The following ARL14EPL variants were observed in gnomAD, a reference collection of about 807,000 sequenced individuals.
ARL14EPL encodes the protein ARF like GTPase 14 effector protein like.
In ARL14EPL, 17 loss-of-function variants were observed where a neutral mutation model predicts 15.9. The observed-to-expected ratio is 1.07, with a 90% CI of 0.73 to 1.60. The LOEUF (loss-of-function observed/expected upper bound fraction) is 1.60, where lower values mean the gene tolerates loss of function less well. Ranked by LOEUF, ARL14EPL falls within the 40% of genes most tolerant of loss-of-function variation. ARL14EPL has a pLI of 0.00. For synonymous variants in ARL14EPL, 78 were observed against 63.8 expected, an observed-to-expected ratio of 1.22 and a Z score of -1.06; for missense variants, 214 against 185.9, an observed-to-expected ratio of 1.15 and a Z score of -0.88.
chr5:116,049,034 A>G (rs1191082146), intron 1 of ARL14EPL, among the ~76,000 whole-genome samples: 1 of 152,208 alleles, frequency 6.6e-6, no homozygotes, highest in African/African-American at 2.4e-5. Context: ...TTCAATTTAC[A>G]ATGGGTTTGT....
chr5:116,055,882 G>A (rs1411323317), intron 3 of ARL14EPL, among the ~76,000 whole-genome samples: 1 of 152,038 alleles, frequency 6.6e-6, no homozygotes, highest in Non-Finnish European at 1.5e-5. Flanking sequence ...TCATCTGTGA[G>A]TGAGAACATG....
At chr5:116,041,324 T>C (rs1042242386) in intron 1 of ARL14EPL, among the ~76,000 whole-genome samples, 1 of 152,204 alleles carries the variant, frequency 6.6e-6, no homozygotes, top group African/African-American at 2.4e-5. Flanking sequence ...TTTCAATATG[T>C]AAAAATATAT....
At chr5:116,058,412 C>G (rs114975878) in intron 3 of ARL14EPL, among the ~76,000 whole-genome samples, 2,735 of 152,258 alleles carry the variant, frequency 0.018, 30 homozygotes, top group Middle Eastern at 0.048. Context: ...TCATAATTTT[C>G]TTAGGTAGAT....
Position 116,054,023 on chromosome 5 carries a change from G to T in ARL14EPL, c.106G>T (p.Glu36Ter), listed in dbSNP as rs1426882545. Residue 36 changes from glutamate to a stop codon, truncating the protein, a stop_gained, in exon 3 of 4, where the codon GAG (glutamate) becomes TAG (stop). Coordinates refer to ENST00000686077, the MANE Select transcript of ARL14EPL (RefSeq NM_001195581.2). LOFTEE classifies it high-confidence loss of function. The part of the protein sequence containing the change: ...QIGQKQLQQI[E>*]RQLKCLAFRN... Reference sequence around the variant, plus strand: ...TTTATTTGTTTAATAGCAACAAATAGAGCGGCAGTTAAAATGCTTGGCATT... The same window carrying T: ...TTTATTTGTTTAATAGCAACAAATATAGCGGCAGTTAAAATGCTTGGCATT... The T allele has an allele frequency of 1.3e-5, 20 of 1,534,548 alleles. No homozygotes were observed. Among genetic ancestry groups the T allele is most frequent in the Non-Finnish European group, 1.7e-5 (20 of 1,146,208 alleles).
chr5:116,043,050 G>A (rs1325796135), intron 1 of ARL14EPL, among the ~76,000 whole-genome samples: 2 of 151,892 alleles, frequency 1.3e-5, no homozygotes, highest in Admixed American at 6.6e-5. Flanking sequence ...CTGTGTATGG[G>A]CATTTGAATA....
At chr5:116,056,775 T>C (rs1749527483) in intron 3 of ARL14EPL, among the ~76,000 whole-genome samples, 1 of 152,200 alleles carries the variant, frequency 6.6e-6, no homozygotes, top group Admixed American at 6.5e-5. Flanking sequence ...GTTTTTATGG[T>C]TTTAGGTCTA....
intron 1 of ARL14EPL, among the ~76,000 whole-genome samples, chr5:116,045,766 G>C (rs1749254917): frequency 9.5e-6 from 1 of 105,194 alleles, no homozygotes; most frequent in African/African-American, 2.7e-5. Flanking sequence ...GTGTGTGTGT[G>C]TGTGTGTGTG....
In ARL14EPL at chr5:116,058,996, T is replaced by G. The variant is rs1749587500; in HGVS notation, c.*49T>G. On this transcript the variant is annotated 3_prime_UTR_variant, in exon 4 of 4. Transcript: ENST00000686077. ...TGTTTCTTCTTCTTACACATTTAAG[T>G]TGACCTCTTTCTTTTGGGTGAATTT... The G allele has an allele frequency of 2.7e-6, 4 of 1,497,462 alleles. No homozygotes were observed. The highest frequency in any genetic ancestry group is 3.6e-6 in the Non-Finnish European group (4 of 1,113,378). 92.8% of individuals were successfully genotyped at this position (1,497,462 alleles called of 1,614,324 possible).
At chr5:116,054,702 G>A (rs1234789649) in intron 3 of ARL14EPL, among the ~76,000 whole-genome samples, 2 of 151,942 alleles carry the variant, frequency 1.3e-5, no homozygotes, top group East Asian at 1.9e-4. Context: ...GTGGTGGCAC[G>A]CGCCTGTAGT....
chr5:116,054,086 G>C lies in ARL14EPL; in HGVS notation c.169G>C (p.Glu57Gln). The C allele has an allele frequency of 6.5e-7, 1 of 1,535,734 alleles. No individual in the cohort carries two copies. Among genetic ancestry groups the C allele is most frequent in the Non-Finnish European group, 8.7e-7 (1 of 1,146,724 alleles). Residue 57 changes from glutamate to glutamine, a missense_variant, in exon 3 of 4, where the codon GAA (glutamate) becomes CAA (glutamine). Transcript: ENST00000686077. ...PGPQVADFNP[E>Q]TRQQKKKARM... ...ACCACAGGTAGCAGACTTTAATCCT[G>C]AAACAAGGCAGCAGAAAAAGAAAGC... is the stretch of plus-strand genomic sequence containing the variant.
At chr5:116,058,360 C>T (rs1041469351) in intron 3 of ARL14EPL, among the ~76,000 whole-genome samples, 2 of 152,046 alleles carry the variant, frequency 1.3e-5, no homozygotes, top group African/African-American at 2.4e-5. Context: ...TTAAAGAAAA[C>T]TTTGGGGGCA....
At chr5:116,039,583 C>T (rs1459351190) in intron 1 of ARL14EPL, among the ~76,000 whole-genome samples, 1 of 151,574 alleles carries the variant, frequency 6.6e-6, no homozygotes, top group African/African-American at 2.4e-5. Context: ...GAAATGCTCA[C>T]ATTAAGGGGA....
chr5:116,049,630 C>A (rs950670347), intron 1 of ARL14EPL, among the ~76,000 whole-genome samples: 5 of 152,110 alleles, frequency 3.3e-5, no homozygotes, highest in African/African-American at 9.7e-5. Context: ...GTTTTTCAGC[C>A]CTTGCCCTCC....
intron 1 of ARL14EPL, chr5:116,051,218 G>A (rs1749369666): frequency 1.1e-5 from 5 of 440,984 alleles, no homozygotes; most frequent in Admixed American, 4.0e-5. Flanking sequence ...GCTAAGGACT[G>A]TCAAAGGTAC....
At chr5:116,037,345 A>T (rs1749064670) in intron 1 of ARL14EPL, among the ~76,000 whole-genome samples, 1 of 152,202 alleles carries the variant, frequency 6.6e-6, no homozygotes, top group African/African-American at 2.4e-5. Flanking sequence ...ACTTTTCGAG[A>T]ATGTTCTGCA....
At chr5:116,051,814 T>G (rs1441897086) in intron 2 of ARL14EPL, 2 of 881,662 alleles carry the variant, frequency 2.3e-6, no homozygotes, top group Non-Finnish European at 3.4e-6. Context: ...AAATTCTGCT[T>G]TTTGTGGAGA....
At chr5:116,055,778 C>G (rs552296329) in intron 3 of ARL14EPL, among the ~76,000 whole-genome samples, 2 of 152,096 alleles carry the variant, frequency 1.3e-5, no homozygotes, top group African/African-American at 2.4e-5. Context: ...GGTATGTCTC[C>G]TAATGCTATC....
intron 1 of ARL14EPL, among the ~76,000 whole-genome samples, chr5:116,033,823 G>A (rs1172537719): frequency 1.3e-5 from 2 of 152,180 alleles, no homozygotes; most frequent in Non-Finnish European, 2.9e-5. Context: ...AAGGCTGTGT[G>A]TGTATTTAAA....
chr5:116,052,524 T>C (rs1219914995), intron 2 of ARL14EPL, among the ~76,000 whole-genome samples: 4 of 152,198 alleles, frequency 2.6e-5, no homozygotes, highest in Admixed American at 6.5e-5. Flanking sequence ...CCACCACTAG[T>C]ACGTGGCAGA....
Sources: allele counts gnomAD v4.1 joint callset (sites outside exome capture counted in the v4.1 genomes callset), GRCh38; gene constraint gnomAD v4.1.1; transcripts MANE v1.5; gene names NCBI Gene and HGNC (gene_info 2026-07-23, HGNC 2026-07-21).